KRI1: variants seen among roughly 807,000 people sequenced by gnomAD.
The protein encoded by KRI1 is KRI1 homolog.
Under a neutral mutation model 97.0 loss-of-function variants are expected in KRI1, and 83 were observed. The observed-to-expected ratio is 0.86, with a 90% confidence interval of 0.72 to 1.03. The LOEUF is 1.03. Among genes scored for constraint, KRI1 ranks in the 50% least tolerant of loss-of-function variants. The pLI, the probability that KRI1 is intolerant of heterozygous loss-of-function variation, is 0.00. For missense variants in KRI1, 916 were observed against 928.4 expected, an observed-to-expected ratio of 0.99 and a Z score of 0.17; for synonymous variants, 371 against 363.5, an observed-to-expected ratio of 1.02 and a Z score of -0.23.
chr19:10,554,005 G>T lies in KRI1; in HGVS notation c.2058C>A (p.Phe686Leu). The change falls in exon 19 of 19, where the codon TTC becomes TTA. Residue 686 changes from phenylalanine to leucine, a missense_variant. Around this residue, in one of 3 missense-constraint regions of KRI1, gnomAD observed 672 missense variants for 667.2 expected, o/e 1.01. Coordinates refer to ENST00000312962, the MANE Select transcript of KRI1 (RefSeq NM_023008.5). Reference sequence around the variant, plus strand: ...TCCTCCGCTGCCGGCCCAGCTGGCGGAAGTGCAGCCGTTTGGGGTTGAGGC... The same window carrying T: ...TCCTCCGCTGCCGGCCCAGCTGGCGTAAGTGCAGCCGTTTGGGGTTGAGGC... ...AFGLNPKRLH[F>L]RQLGRQRRKQ... 1 of 1,613,086 alleles carries T rather than the reference G, an allele frequency of 6.2e-7. No individual in the cohort carries two copies. The highest frequency in any genetic ancestry group is 8.5e-7 in the Non-Finnish European group (1 of 1,179,404).
intron 4 of KRI1, among the ~76,000 whole-genome samples, chr19:10,562,080 G>A (rs903386707): frequency 2.7e-5 from 4 of 148,404 alleles, no homozygotes; most frequent in South Asian, 2.1e-4. Flanking sequence ...CCAGGGTCTC[G>A]CTCTATCCCT....
In KRI1 at chr19:10,554,972, C is replaced by CT. The variant is rs1369053426; in HGVS notation, c.1781+114_1781+115insA. The CT allele has an allele frequency of 4.1e-5, 33 of 802,002 alleles. 1 individual carries two copies. The South Asian group carries it at 5.3e-4, about 13-fold the overall frequency. 49.7% of individuals were successfully genotyped at this position (802,002 alleles called of 1,614,324 possible). ...CCATATAGGATTCGAACCCAGGTCTCAGAGCGGGGGGCGCTGCATTCCCAA... is the reference window on the plus strand; with the variant it reads ...CCATATAGGATTCGAACCCAGGTCTCTAGAGCGGGGGGCGCTGCATTCCCAA... On this transcript the variant is annotated intron_variant, in intron 18 of 18. Transcript: ENST00000312962.
At chr19:10,557,117 CTTT>C (rs71162095) in intron 16 of KRI1, among the ~76,000 whole-genome samples, 6 of 137,116 alleles carry the variant, frequency 4.4e-5, no homozygotes, top group Non-Finnish European at 4.7e-5. Flanking sequence ...ATTAGCATTT[CTTT>C]TTTTTTTTTT....
In KRI1 at chr19:10,553,963, C is replaced by G; in HGVS notation, c.2100G>C (p.Lys700Asn). 6.2e-7 allele frequency: 1 copy of G among 1,604,560 alleles called. No individual in the cohort carries two copies. The highest frequency in any genetic ancestry group is 8.5e-7 in the Non-Finnish European group (1 of 1,174,958). ...TGCTCCCTGGTGCTCAGGAGCTGTT[C>G]TTGGGCCCCTGTTGTTTCCTCCGCT... ...GRQRRKQQGP[K>N]NSS The change falls in exon 19 of 19, where the codon AAG (lysine) becomes AAC (asparagine). Residue 700 changes from lysine to asparagine, a missense_variant. Transcript: ENST00000312962.
At position 10,559,720 on chromosome 19, in the gene KRI1, C is replaced by T. The variant is rs578261407; in HGVS notation, c.928-12G>A. 2 of 1,614,068 alleles carry T rather than the reference C, an allele frequency of 1.2e-6. No homozygotes were observed. The highest frequency in any genetic ancestry group is 1.1e-5 in the South Asian group (1 of 91,080). On this transcript the variant is annotated splice_polypyrimidine_tract_variant and intron_variant, in intron 10 of 18. Transcript: ENST00000312962. ...GGGTAGGTCTTGACCTAGGCGCAAT[C>T]AGAAAAGCCCACAAGGGCCGCAGAG...
chr19:10,553,436 C>T lies in KRI1; in HGVS notation c.*515G>A, dbSNP rs577193607. 6.0e-5 allele frequency: 13 copies of T among 217,098 alleles called. No individual in the cohort carries two copies. Among genetic ancestry groups the T allele is most frequent in the South Asian group, 5.6e-4 (5 of 8,934 alleles). The allele number at this position is 217,098 out of a possible 1,614,324, so 13.4% of individuals were successfully genotyped here. ...TAACTTGATCGTGGGTGTGGCTGGG[C>T]GCAGCGTTCTGAGGGGATGTGGGGT... On this transcript the variant is annotated 3_prime_UTR_variant, in exon 19 of 19. Coordinates refer to ENST00000312962, the MANE Select transcript of KRI1 (RefSeq NM_023008.5).
Position 10,560,314 on chromosome 19 carries a change from C to T in KRI1, c.798G>A (p.Glu266=). The change falls in exon 9 of 19, where the codon GAG becomes GAA. Residue 266 remains glutamate, a splice_region_variant and synonymous_variant. Coordinates refer to ENST00000312962, the MANE Select transcript of KRI1 (RefSeq NM_023008.5). ...EEDEEEMEEE[E]GVHGPPVQLA... is the part of the protein sequence containing the mutation. The stretch of plus-strand genomic sequence containing the variant: ...CCTGGGGAGATGCAGTGGCTCACCC[C>T]TCCTCTTCCTCCATTTCCTCTTCAT... 1 of 1,605,294 alleles carries T rather than the reference C, an allele frequency of 6.2e-7. No homozygotes were observed. The highest frequency in any genetic ancestry group is 8.5e-7 in the Non-Finnish European group (1 of 1,176,126).
At chr19:10,562,117 C>T (rs369274357) in intron 4 of KRI1, among the ~76,000 whole-genome samples, 12 of 150,438 alleles carry the variant, frequency 8.0e-5, no homozygotes, top group African/African-American at 2.9e-4. Context: ...GGCATGATCT[C>T]GGAAAACTGC....
chr19:10,561,528 GTGA>G (rs1346192714), intron 6 of KRI1, 136 bp downstream of exon 6: 1 of 913,114 alleles, frequency 1.1e-6, no homozygotes, highest in African/African-American at 1.6e-5. Flanking sequence ...GAGCAGTGCT[GTGA>G]TGTTATTAAC....
In KRI1 at chr19:10,560,332, CTCT is replaced by C. The variant is rs758070852; in HGVS notation, c.777_779del (p.Glu261del). 3.7e-6 allele frequency: 6 copies of C among 1,611,676 alleles called. No homozygotes were observed. Among genetic ancestry groups the C allele is most frequent in the Middle Eastern group, 1.7e-4 (1 of 6,056 alleles). On this transcript the variant is annotated inframe_deletion, in exon 9 of 19. Transcript: ENST00000312962. ...CTCACCCCTCCTCTTCCTCCATTTC[CTCT>C]TCATCTTCCTCCTCCTCTTCCTCCT... is the stretch of plus-strand genomic sequence containing the variant.
chr19:10,561,192 G>C lies in KRI1; in HGVS notation c.562C>G (p.Arg188Gly). The C allele has an allele frequency of 1.2e-6, 2 of 1,614,062 alleles. No individual in the cohort carries two copies. Among genetic ancestry groups the C allele is most frequent in the Non-Finnish European group, 1.7e-6 (2 of 1,180,006 alleles). The change falls in exon 7 of 19, where the codon CGT (arginine) becomes GGT (glycine). Residue 188 changes from arginine (R) to glycine (G), a missense_variant. By Grantham distance (125) the Arg-to-Gly change is moderately radical. Around this residue, in one of 3 missense-constraint regions of KRI1, gnomAD observed 71 missense variants for 108.1 expected, o/e 0.66. Transcript: ENST00000312962. ...GEGGSSLLQKRAKTRQEKAQE... is the reference protein window; with the variant it reads ...GEGGSSLLQKGAKTRQEKAQE... Reference sequence around the variant, plus strand: ...ACCTTCTCCTGCCTGGTTTTGGCACGTTTCTGCAGCAAACTGGAGCCGCCC... The same window carrying C: ...ACCTTCTCCTGCCTGGTTTTGGCACCTTTCTGCAGCAAACTGGAGCCGCCC...
At chr19:10,557,464 AAC>A in intron 16 of KRI1, 86 bp downstream of exon 16, 1 of 1,402,062 alleles carries the variant, frequency 7.1e-7, no homozygotes, top group African/African-American at 1.4e-5. Flanking sequence ...ATTTCTGAGC[AAC>A]AGAGATTGGG....
rs995773889 is a variant in KRI1 at position 10,553,143 on chromosome 19, T to C, written c.*808A>G. 3.4e-6 allele frequency: 5 copies of C among 1,461,030 alleles called. No homozygotes were observed. In the South Asian group the frequency reaches 4.0e-5, roughly 12 times the overall value. The allele number at this position is 1,461,030 out of a possible 1,614,324, so 90.5% of individuals were successfully genotyped here. A position where few individuals can be genotyped will look rare whatever the true frequency, so the allele number is the denominator to read the frequency against. On this transcript the variant is annotated 3_prime_UTR_variant, in exon 19 of 19. Transcript: ENST00000312962. ...TCATGTCGGGTGTGGGATCTTGAGC[T>C]CTGGCAGTGATGATGGTACTTCCTG... is the stretch of plus-strand genomic sequence containing the variant.
Position 10,559,816 on chromosome 19 carries a change from T to C in KRI1, c.921A>G (p.Ser307=), listed in dbSNP as rs1295876823. 4.3e-6 allele frequency: 7 copies of C among 1,613,956 alleles called. No individual in the cohort carries two copies. The highest frequency in any genetic ancestry group is 3.3e-4 in the Middle Eastern group (2 of 6,060). ...KYNFRFEEPD[S]ASVKTYPRSI... is the part of the protein sequence containing the mutation. ...CCCAGCCCCAGCCACACACCGATGCTGAGTCCGGCTCCTCGAAACGGAAAT... is the reference window on the plus strand; with the variant it reads ...CCCAGCCCCAGCCACACACCGATGCCGAGTCCGGCTCCTCGAAACGGAAAT... The change falls in exon 10 of 19, where the codon TCA becomes TCG. Residue 307 remains serine, a synonymous_variant. Coordinates refer to ENST00000312962, the MANE Select transcript of KRI1 (RefSeq NM_023008.5).
chr19:10,561,364 T>C, intron 6 of KRI1, 99 bp from the exon 7 acceptor site: 1 of 1,118,268 alleles, frequency 8.9e-7, no homozygotes, highest in Non-Finnish European at 1.3e-6. Context: ...CTCACTATGT[T>C]GCCCAGGCTG....
chr19:10,557,127 T>C (rs991407559), intron 16 of KRI1, among the ~76,000 whole-genome samples: 2 of 151,106 alleles, frequency 1.3e-5, no homozygotes, highest in African/African-American at 4.9e-5. Flanking sequence ...CTTTTTTTTT[T>C]TTTTTGGCGC....
chr19:10,565,453 A>AG (rs1568425041), intron 2 of KRI1: 7 of 505,416 alleles, frequency 1.4e-5, no homozygotes, highest in African/African-American at 7.2e-5. Flanking sequence ...GAAAGAGGAA[A>AG]GGGGGGGTTC....
intron 16 of KRI1, among the ~76,000 whole-genome samples, chr19:10,555,893 C>T (rs941959249): frequency 3.3e-5 from 5 of 152,188 alleles, no homozygotes; most frequent in Non-Finnish European, 7.3e-5. Context: ...TGCCAGGTGC[C>T]ACACACTTTG....
In KRI1 at chr19:10,558,201, C is replaced by T. The variant is rs1244507719; in HGVS notation, c.1233G>A (p.Glu411=). 1 of 1,614,030 alleles carries T rather than the reference C, an allele frequency of 6.2e-7. No homozygotes were observed. The highest frequency in any genetic ancestry group is 8.5e-7 in the Non-Finnish European group (1 of 1,180,018). The change falls in exon 13 of 19, where the codon GAG becomes GAA. Residue 411 remains glutamate, a synonymous_variant. Transcript: ENST00000312962. ...FGDEYYGAVE[E]EKPQFEEEEG... ...CTTCTTCCTCAAATTGTGGCTTCTCCTCCTCCACGGCCCCGTAGTACTCGT... is the reference window on the plus strand; with the variant it reads ...CTTCTTCCTCAAATTGTGGCTTCTCTTCCTCCACGGCCCCGTAGTACTCGT...
Sources: allele counts gnomAD v4.1 joint callset (sites outside exome capture counted in the v4.1 genomes callset), GRCh38; gene constraint gnomAD v4.1.1; regional missense constraint gnomAD v4.1.1; transcripts MANE v1.5; gene names NCBI Gene and HGNC (gene_info 2026-07-23, HGNC 2026-07-21).